The following ADAM10 variants were observed in gnomAD, a reference collection of about 807,000 sequenced individuals.
ADAM10 encodes the protein disintegrin and metalloproteinase domain-containing protein 10.
In ADAM10, 17 loss-of-function variants were observed where a neutral mutation model predicts 90.1. The ratio of observed to expected loss-of-function variants is 0.19; its 90% CI spans 0.13 to 0.28. ADAM10 has a LOEUF of 0.28. Ranked by LOEUF, ADAM10 falls within the 10% of genes least tolerant of loss-of-function variation. The probability of loss-of-function intolerance (pLI) is 1.00; values close to 1 mark genes in which losing one functional copy is unlikely to be tolerated. For synonymous variants in ADAM10, 310 were observed against 298.6 expected, an observed-to-expected ratio of 1.04 and a Z score of -0.40; for missense variants, 610 against 914.3, an observed-to-expected ratio of 0.67 and a Z score of 4.29.
intron 7 of ADAM10, 99 bp from the exon 8 acceptor site, chr15:58,641,059 T>G (rs1896405521): frequency 8.5e-7 from 1 of 1,172,458 alleles, no homozygotes. Flanking sequence ...GACAATATGC[T>G]CCCATGGAAA....
At chr15:58,608,185 A>G (rs1895330838) in intron 14 of ADAM10, among the ~76,000 whole-genome samples, 1 of 152,136 alleles carries the variant, frequency 6.6e-6, no homozygotes, top group Non-Finnish European at 1.5e-5. Context: ...TAAATTGTTA[A>G]GGTTCTTCCT....
intron 2 of ADAM10, among the ~76,000 whole-genome samples, chr15:58,715,157 C>G (rs1170701770): frequency 6.6e-6 from 1 of 152,076 alleles, no homozygotes; most frequent in African/African-American, 2.4e-5. Context: ...TATGGTGGCT[C>G]ATGCCTGTAA....
At chr15:58,666,436 C>G (rs771293603) in intron 4 of ADAM10, among the ~76,000 whole-genome samples, 5 of 151,838 alleles carry the variant, frequency 3.3e-5, no homozygotes, top group Non-Finnish European at 7.4e-5. Flanking sequence ...TTAATGCCAG[C>G]TAGCAACTGA....
chr15:58,597,165 G>A lies in ADAM10; in HGVS notation c.*382C>T. On this transcript the variant is annotated 3_prime_UTR_variant, in exon 16 of 16. Coordinates refer to ENST00000260408, the MANE Select transcript of ADAM10 (RefSeq NM_001110.4). ...GTGGTCGAGCCTCCTAGCCTTGATT[G>A]GCAGTTGAAAAAAATATATTTATTT... The A allele has an allele frequency of 2.0e-6, 1 of 503,998 alleles. No homozygotes were observed. Among genetic ancestry groups the A allele is most frequent in the Non-Finnish European group, 3.5e-6 (1 of 284,672 alleles). 31.2% of individuals were successfully genotyped at this position (503,998 alleles called of 1,614,324 possible). A position where few individuals can be genotyped will look rare whatever the true frequency, so the allele number is the denominator to read the frequency against.
Position 58,604,226 on chromosome 15 carries a change from T to C in ADAM10, c.2026-4502A>G, listed in dbSNP as rs184418627. On this transcript the variant is annotated intron_variant, in intron 14 of 15. Coordinates refer to ENST00000260408, the MANE Select transcript of ADAM10 (RefSeq NM_001110.4). ...AAATACAAAAATTGGCCAAGCATGATGGCAGGTGCCTGTAATCCCAGCTAC... is the reference window on the plus strand; with the variant it reads ...AAATACAAAAATTGGCCAAGCATGACGGCAGGTGCCTGTAATCCCAGCTAC... Among the ~76,000 whole-genome samples, 441 of 152,222 alleles carry C rather than the reference T, an allele frequency of 2.9e-3. 3 individuals are homozygous for C. Among genetic ancestry groups the C allele is most frequent in the African/African-American group, 0.01 (423 of 41,534 alleles).
chr15:58,740,396 G>A (rs1014417099), intron 1 of ADAM10, among the ~76,000 whole-genome samples: 3 of 148,288 alleles, frequency 2.0e-5, no homozygotes, highest in Non-Finnish European at 4.4e-5. Flanking sequence ...GCATCAGCGC[G>A]AGACTCTGTC....
chr15:58,605,365 AAT>A (rs1895239811), intron 14 of ADAM10, among the ~76,000 whole-genome samples: 1 of 152,212 alleles, frequency 6.6e-6, no homozygotes, highest in African/African-American at 2.4e-5. Flanking sequence ...GGAACATGGC[AAT>A]AGACAAAAGA....
At chr15:58,625,294 A>G (rs1016665937) in intron 10 of ADAM10, among the ~76,000 whole-genome samples, 3 of 152,150 alleles carry the variant, frequency 2.0e-5, no homozygotes, top group African/African-American at 4.8e-5. Flanking sequence ...AGAATTCTCA[A>G]TACTCCAAAG....
chr15:58,701,505 GAAGC>G (rs1320564675), intron 2 of ADAM10, among the ~76,000 whole-genome samples: 2 of 152,186 alleles, frequency 1.3e-5, no homozygotes, highest in African/African-American at 4.8e-5. Flanking sequence ...GCGAGAATGT[GAAGC>G]AACAGTAACT....
intron 1 of ADAM10, among the ~76,000 whole-genome samples, chr15:58,736,608 A>G (rs976111858): frequency 6.6e-5 from 10 of 152,160 alleles, no homozygotes; most frequent in African/African-American, 2.4e-4. Flanking sequence ...CAGAGGGAAA[A>G]AAATAATATA....
intron 5 of ADAM10, among the ~76,000 whole-genome samples, chr15:58,661,475 T>G (rs1443865096): frequency 6.6e-6 from 1 of 152,216 alleles, no homozygotes; most frequent in African/African-American, 2.4e-5. Context: ...TTATTCTATG[T>G]CTTCCAGTTT....
chr15:58,606,645 A>G (rs1162571902), intron 14 of ADAM10, among the ~76,000 whole-genome samples: 1 of 152,240 alleles, frequency 6.6e-6, no homozygotes, highest in Non-Finnish European at 1.5e-5. Context: ...GATAAAATGG[A>G]AAATTTCTGT....
chr15:58,688,962 AGC>A (rs1449980335), intron 2 of ADAM10, among the ~76,000 whole-genome samples: 1 of 150,658 alleles, frequency 6.6e-6, no homozygotes, highest in African/African-American at 2.4e-5. Flanking sequence ...TAAATAAAGA[AGC>A]GAGAGGAGAC....
At chr15:58,610,605 G>C in intron 13 of ADAM10, 88 bp from the exon 14 acceptor site, 1 of 1,294,554 alleles carries the variant, frequency 7.7e-7, no homozygotes, top group East Asian at 2.4e-5. Context: ...TACAAAGAGG[G>C]AAAAAAAACT....
intron 1 of ADAM10, among the ~76,000 whole-genome samples, chr15:58,731,199 A>T (rs1654474364): frequency 6.6e-6 from 1 of 152,208 alleles, no homozygotes; most frequent in Non-Finnish European, 1.5e-5. Flanking sequence ...TGAAGGGGAA[A>T]AAAAATCCAC....
intron 1 of ADAM10, among the ~76,000 whole-genome samples, chr15:58,739,244 C>T (rs1024178892): frequency 1.3e-5 from 2 of 151,874 alleles, no homozygotes; most frequent in East Asian, 1.9e-4. Flanking sequence ...CGGTGGCTCA[C>T]GCCTGTAATC....
At chr15:58,682,890 G>GA (rs1175912240) in intron 2 of ADAM10, among the ~76,000 whole-genome samples, 2 of 152,046 alleles carry the variant, frequency 1.3e-5, no homozygotes, top group Non-Finnish European at 2.9e-5. Flanking sequence ...GATAATGGCT[G>GA]AAATCAGAGG....
intron 4 of ADAM10, among the ~76,000 whole-genome samples, chr15:58,673,468 A>T (rs1455654367): frequency 3.3e-5 from 5 of 149,954 alleles, no homozygotes; most frequent in African/African-American, 1.2e-4. Flanking sequence ...TAAAAATCTT[A>T]TATTTCTGAA....
rs544684226 is a variant in ADAM10 at position 58,619,871 on chromosome 15, C to T, written c.1511+1600G>A. Among the ~76,000 whole-genome samples, 4 of 151,294 alleles carry T rather than the reference C, an allele frequency of 2.6e-5. No individual in the cohort carries two copies. In the South Asian group the frequency reaches 8.4e-4, roughly 32 times the overall value. On this transcript the variant is annotated intron_variant, in intron 11 of 15. Coordinates refer to ENST00000260408, the MANE Select transcript of ADAM10 (RefSeq NM_001110.4). ...GTGAGCAGAGATCGCGCCACTGCAC[C>T]CCAGCCTGGGCGACAGTGCAAGACT... is the stretch of plus-strand genomic sequence containing the variant.
Sources: allele counts gnomAD v4.1 joint callset (sites outside exome capture counted in the v4.1 genomes callset), GRCh38; gene constraint gnomAD v4.1.1; transcripts MANE v1.5; gene names NCBI Gene and HGNC (gene_info 2026-07-23, HGNC 2026-07-21).